The following ANGPT1 variants were observed in gnomAD, a reference collection of about 807,000 sequenced individuals.
The protein encoded by ANGPT1 is angiopoietin 1, also known as angiopoietin-1.
A neutral mutation model predicts 62.2 loss-of-function variants in ANGPT1; 17 were observed. The observed-to-expected ratio is 0.27, with a 90% CI of 0.19 to 0.41. The LOEUF is 0.41. Ranked by LOEUF, ANGPT1 falls within the 10% of genes least tolerant of loss-of-function variation. The pLI is 1.00. For synonymous variants in ANGPT1, 199 were observed against 198.9 expected (o/e 1.00, Z 0.00); for missense variants, 478 against 594.9 (o/e 0.80, Z 2.04).
chr8:107,289,577 T>C (rs116343389), intron 6 of ANGPT1, among the ~76,000 whole-genome samples: 432 of 152,268 alleles, frequency 2.8e-3, no homozygotes, highest in African/African-American at 0.01. Context: ...GACGTGCAAC[T>C]CAAGAAAGAC....
chr8:107,305,213 C>T (rs1814685779), intron 4 of ANGPT1, among the ~76,000 whole-genome samples: 1 of 151,808 alleles, frequency 6.6e-6, no homozygotes, highest in Admixed American at 6.6e-5. Flanking sequence ...TGAAGAAATA[C>T]CAACTAAAAT....
intron 1 of ANGPT1, among the ~76,000 whole-genome samples, chr8:107,434,649 T>C (rs989402373): frequency 2.6e-5 from 4 of 152,098 alleles, no homozygotes; most frequent in Non-Finnish European, 1.5e-5. Flanking sequence ...AGTTAAAGTA[T>C]ATAGGCTGGC....
At chr8:107,273,670 C>T (rs1256715665) in intron 7 of ANGPT1, among the ~76,000 whole-genome samples, 2 of 152,076 alleles carry the variant, frequency 1.3e-5, no homozygotes, top group East Asian at 1.9e-4. Flanking sequence ...GCCTCATGAG[C>T]GCTTACTCAT....
intron 1 of ANGPT1, among the ~76,000 whole-genome samples, chr8:107,366,081 T>A (rs1284419996): frequency 6.6e-6 from 1 of 152,188 alleles, no homozygotes; most frequent in Non-Finnish European, 1.5e-5. Flanking sequence ...GTCATAATGT[T>A]CAGTTACAAA....
intron 3 of ANGPT1, among the ~76,000 whole-genome samples, chr8:107,329,753 T>C (rs956188503): frequency 5.9e-5 from 9 of 152,030 alleles, no homozygotes; most frequent in Non-Finnish European, 1.0e-4. Context: ...CAGTTCCTTA[T>C]TCATTTAGCA....
chr8:107,435,119 G>A (rs536152405), intron 1 of ANGPT1, among the ~76,000 whole-genome samples: 226 of 152,246 alleles, frequency 1.5e-3, no homozygotes, highest in African/African-American at 5.2e-3. Context: ...AGAAAGGACT[G>A]TAAATGAGCA....
At chr8:107,488,154 A>G (rs182761297) in intron 1 of ANGPT1, among the ~76,000 whole-genome samples, 1 of 152,300 alleles carries the variant, frequency 6.6e-6, no homozygotes, top group Non-Finnish European at 1.5e-5. Flanking sequence ...GTCTAAAACA[A>G]TCTGCATTTG....
At chr8:107,292,848 C>G (rs1463955951) in intron 6 of ANGPT1, among the ~76,000 whole-genome samples, 1 of 152,122 alleles carries the variant, frequency 6.6e-6, no homozygotes, top group Non-Finnish European at 1.5e-5. Context: ...GCAAGAATAT[C>G]AAGACAGAAC....
intron 8 of ANGPT1, among the ~76,000 whole-genome samples, chr8:107,257,926 T>C (rs116492590): frequency 3.3e-5 from 4 of 122,014 alleles, no homozygotes; most frequent in East Asian, 2.2e-4. Context: ...TGTTCTTTCT[T>C]TCTCTCTCTC....
chr8:107,259,212 T>C (rs527373144), intron 8 of ANGPT1, among the ~76,000 whole-genome samples: 2 of 152,322 alleles, frequency 1.3e-5, no homozygotes, highest in East Asian at 3.9e-4. Flanking sequence ...AGTTATCTGA[T>C]CATGCTTAGC....
intron 1 of ANGPT1, among the ~76,000 whole-genome samples, chr8:107,474,090 C>A (rs561719532): frequency 1.3e-5 from 2 of 151,954 alleles, no homozygotes; most frequent in African/African-American, 4.8e-5. Context: ...CATTTCATGA[C>A]GCCAGCATCA....
At chr8:107,487,142 G>A in intron 1 of ANGPT1, among the ~76,000 whole-genome samples, 1 of 152,058 alleles carries the variant, frequency 6.6e-6, no homozygotes, top group East Asian at 1.9e-4. Flanking sequence ...GACAGTCACT[G>A]GTCTCTCTGT....
At chr8:107,376,951 G>A (rs1816542067) in intron 1 of ANGPT1, among the ~76,000 whole-genome samples, 1 of 152,106 alleles carries the variant, frequency 6.6e-6, no homozygotes, top group Non-Finnish European at 1.5e-5. Flanking sequence ...AAAAGATCAA[G>A]TACATTTTTT....
At chr8:107,466,194 A>T (rs1043988749) in intron 1 of ANGPT1, among the ~76,000 whole-genome samples, 1 of 152,196 alleles carries the variant, frequency 6.6e-6, no homozygotes, top group Non-Finnish European at 1.5e-5. Flanking sequence ...TTTACTGAGT[A>T]CAAAATATAA....
At position 107,333,920 on chromosome 8, in the gene ANGPT1, G is replaced by GAGAAAGAAAGAA. The variant is rs139390488; in HGVS notation, c.575+2218_575+2229dup. Among the ~76,000 whole-genome samples the GAGAAAGAAAGAA allele has an allele frequency of 2.0e-3, 280 of 138,152 alleles. 2 individuals carry two copies. Among genetic ancestry groups the GAGAAAGAAAGAA allele is most frequent in the African/African-American group, 7.0e-3 (262 of 37,184 alleles). The allele number at this position is 138,152 out of a possible 152,430, so 90.6% of individuals were successfully genotyped here. A position where few individuals can be genotyped will look rare whatever the true frequency, so the allele number is the denominator to read the frequency against. On this transcript the variant is annotated intron_variant, in intron 3 of 8. Coordinates refer to ENST00000517746, the MANE Select transcript of ANGPT1 (RefSeq NM_001146.5). ...AAAGGATACATTTTTAAGAAATAAA[G>GAGAAAGAAAGAA]AGAAAGAAAGAAAGAAAGAAAGAAA... is the stretch of plus-strand genomic sequence containing the variant.
chr8:107,335,583 C>G (rs576582960), intron 3 of ANGPT1, among the ~76,000 whole-genome samples: 1 of 152,238 alleles, frequency 6.6e-6, no homozygotes, highest in East Asian at 1.9e-4. Flanking sequence ...ATCTATAAAG[C>G]TAACCAAAGA....
At chr8:107,378,695 T>C (rs919967972) in intron 1 of ANGPT1, among the ~76,000 whole-genome samples, 1 of 152,068 alleles carries the variant, frequency 6.6e-6, no homozygotes, top group African/African-American at 2.4e-5. Context: ...TTGCGAGATC[T>C]GATGGTTTTA....
In ANGPT1 at chr8:107,251,752, G is replaced by T; in HGVS notation, c.*103C>A. 2 of 1,384,762 alleles carry T rather than the reference G, an allele frequency of 1.4e-6. No homozygotes were observed. Among genetic ancestry groups the T allele is most frequent in the Non-Finnish European group, 9.9e-7 (1 of 1,007,032 alleles). The allele number at this position is 1,384,762 out of a possible 1,614,324, so 85.8% of individuals were successfully genotyped here. A position where few individuals can be genotyped will look rare whatever the true frequency, so the allele number is the denominator to read the frequency against. ...ACATAACTACCACTTATTGCTGGAA[G>T]GGAGACAATATTGTTTGCTTCTGAA... On this transcript the variant is annotated 3_prime_UTR_variant, in exon 9 of 9. Transcript: ENST00000517746.
chr8:107,298,189 CAT>C (rs1303984808), intron 5 of ANGPT1, among the ~76,000 whole-genome samples: 2 of 151,892 alleles, frequency 1.3e-5, no homozygotes, highest in African/African-American at 4.8e-5. Context: ...ATTTGATTCA[CAT>C]AGTTTTTATA....
Sources: gnomAD v4.1 joint callset for allele counts (sites outside exome capture counted in the v4.1 genomes callset) on GRCh38, gnomAD v4.1.1 for gene constraint, MANE v1.5 for transcripts, NCBI Gene and HGNC (gene_info 2026-07-23, HGNC 2026-07-21) for gene names.